CLYBL: variants seen among roughly 807,000 people sequenced by gnomAD.
CLYBL encodes citramalyl-CoA lyase.
CLYBL carries 31 observed loss-of-function variants against 38.9 expected under a neutral mutation model. That is an observed-to-expected ratio of 0.80 (90% CI 0.60 to 1.08). The LOEUF is 1.08. CLYBL is among the 50% of genes least tolerant of loss of function. The pLI, the probability that CLYBL is intolerant of heterozygous loss-of-function variation, is 0.00. For missense variants in CLYBL, 434 were observed against 411.6 expected, an observed-to-expected ratio of 1.05 and a Z score of -0.47; for synonymous variants, 171 against 158.6, an observed-to-expected ratio of 1.08 and a Z score of -0.59.
intron 1 of CLYBL, among the ~76,000 whole-genome samples, chr13:99,734,543 TTACTGATA>T: frequency 6.6e-6 from 1 of 152,332 alleles, no homozygotes; most frequent in South Asian, 2.1e-4. Context: ...ATCTTTCTAC[TTACTGATA>T]TCTCTGAATA....
chr13:99,622,578 G>A (rs893443677), intron 1 of CLYBL, among the ~76,000 whole-genome samples: 20 of 152,170 alleles, frequency 1.3e-4, no homozygotes, highest in Non-Finnish European at 2.2e-4. Flanking sequence ...CAATATTCAA[G>A]TGTACTCTTC....
intron 1 of CLYBL, among the ~76,000 whole-genome samples, chr13:99,686,589 A>G (rs1375359125): frequency 6.6e-6 from 1 of 152,108 alleles, no homozygotes; most frequent in Admixed American, 6.6e-5. Context: ...TCAGTAATGC[A>G]ATGTTTTGCT....
chr13:99,615,847 A>G (rs940554413), intron 1 of CLYBL, among the ~76,000 whole-genome samples: 5 of 151,644 alleles, frequency 3.3e-5, no homozygotes, highest in Admixed American at 6.6e-5. Flanking sequence ...GTTGTTGTTT[A>G]TTTTGAAACG....
chr13:99,896,764 G>T (rs1280659738), downstream of CLYBL: 1 of 152,214 alleles, frequency 6.6e-6, no homozygotes, highest in African/African-American at 2.4e-5. Flanking sequence ...CAACTTTGCC[G>T]ATTTCCCTTG....
intron 2 of CLYBL, among the ~76,000 whole-genome samples, chr13:99,798,646 C>T (rs2050069385): frequency 6.6e-6 from 1 of 152,038 alleles, no homozygotes. Flanking sequence ...TAATCCTTAC[C>T]GTATGTAAAC....
At chr13:99,631,010 C>T (rs575656114) in intron 1 of CLYBL, among the ~76,000 whole-genome samples, 90 of 152,186 alleles carry the variant, frequency 5.9e-4, no homozygotes, top group Middle Eastern at 3.4e-3. Context: ...GATTCTTTTA[C>T]CGTTACCAAA....
At chr13:99,883,497 C>A (rs973905756) in intron 7 of CLYBL, among the ~76,000 whole-genome samples, 30 of 145,588 alleles carry the variant, frequency 2.1e-4, no homozygotes, top group African/African-American at 7.6e-4. Flanking sequence ...CCAGCCTGGG[C>A]AACAGGGCTA....
intron 1 of CLYBL, among the ~76,000 whole-genome samples, chr13:99,662,429 G>A (rs1037514602): frequency 1.3e-5 from 2 of 150,430 alleles, no homozygotes; most frequent in Non-Finnish European, 3.0e-5. Flanking sequence ...AATCAGATTA[G>A]TTACTGATGT....
At chr13:99,706,581 C>T (rs2048150026) in intron 1 of CLYBL, among the ~76,000 whole-genome samples, 1 of 152,142 alleles carries the variant, frequency 6.6e-6, no homozygotes, top group African/African-American at 2.4e-5. Context: ...AGTAAGTGCA[C>T]CTTTCTTGGG....
chr13:99,730,509 G>C (rs1298030028), intron 1 of CLYBL, among the ~76,000 whole-genome samples: 2 of 152,264 alleles, frequency 1.3e-5, no homozygotes, highest in East Asian at 1.9e-4. Flanking sequence ...CTTTCCTCAA[G>C]ACAGGCCATG....
chr13:99,679,293 C>CA (rs748632092), intron 1 of CLYBL, among the ~76,000 whole-genome samples: 61 of 35,774 alleles, frequency 1.7e-3, no homozygotes, highest in South Asian at 6.9e-3. Flanking sequence ...GACTCCGACT[C>CA]AAAAAAAAAA....
chr13:99,698,094 A>G (rs1398427985), intron 1 of CLYBL, among the ~76,000 whole-genome samples: 1 of 152,250 alleles, frequency 6.6e-6, no homozygotes, highest in African/African-American at 2.4e-5. Flanking sequence ...GAAGCCTCAC[A>G]GGACACATGA....
At chr13:99,750,917 T>C (rs2048944738) in intron 1 of CLYBL, among the ~76,000 whole-genome samples, 1 of 152,162 alleles carries the variant, frequency 6.6e-6, no homozygotes, top group African/African-American at 2.4e-5. Flanking sequence ...AATGGAAATG[T>C]ACGATGATAT....
intron 1 of CLYBL, among the ~76,000 whole-genome samples, chr13:99,621,609 A>T (rs2793769): frequency 6.6e-6 from 1 of 152,206 alleles, no homozygotes; most frequent in Admixed American, 6.5e-5. Context: ...TTAGTTTCCT[A>T]TTGCTGTTGT....
At chr13:99,649,379 G>A (rs1362511469) in intron 1 of CLYBL, among the ~76,000 whole-genome samples, 1 of 152,158 alleles carries the variant, frequency 6.6e-6, no homozygotes, top group East Asian at 1.9e-4. Flanking sequence ...ATATACTGGT[G>A]CAGGTGCAGT....
chr13:99,728,689 C>A (rs921035915), intron 1 of CLYBL, among the ~76,000 whole-genome samples: 1 of 152,020 alleles, frequency 6.6e-6, no homozygotes, highest in East Asian at 1.9e-4. Context: ...AGTCCTCGCA[C>A]GTAGCTGGGA....
intron 7 of CLYBL, among the ~76,000 whole-genome samples, chr13:99,878,111 G>A (rs2052098793): frequency 6.6e-6 from 1 of 151,988 alleles, no homozygotes; most frequent in Non-Finnish European, 1.5e-5. Flanking sequence ...TAGCTAACTG[G>A]TTTCCAAATT....
chr13:99,719,591 C>T (rs1472628569), intron 1 of CLYBL, among the ~76,000 whole-genome samples: 1 of 151,958 alleles, frequency 6.6e-6, no homozygotes, highest in African/African-American at 2.4e-5. Flanking sequence ...ACTGCAACCT[C>T]CACCTCCTGG....
At chr13:99,611,392 C>G (rs1401358604) in intron 1 of CLYBL, among the ~76,000 whole-genome samples, 1 of 151,914 alleles carries the variant, frequency 6.6e-6, no homozygotes, top group Non-Finnish European at 1.5e-5. Context: ...TTTTTTGCAT[C>G]TGTTGTGTTG....
Sources: gnomAD v4.1 joint callset for allele counts (sites outside exome capture counted in the v4.1 genomes callset) on GRCh38, gnomAD v4.1.1 for gene constraint, MANE v1.5 for transcripts, NCBI Gene and HGNC (gene_info 2026-07-23, HGNC 2026-07-21) for gene names.